CHSY3: variants seen among roughly 807,000 people sequenced by gnomAD.
The protein encoded by CHSY3 is chondroitin sulfate synthase 3.
Under a neutral mutation model 67.2 loss-of-function variants are expected in CHSY3, and 35 were observed. That is an observed-to-expected ratio of 0.52 (90% CI 0.40 to 0.69). CHSY3 has a LOEUF of 0.69. Among genes scored for constraint, CHSY3 ranks in the 30% least tolerant of loss-of-function variants. The pLI, the probability that CHSY3 is intolerant of heterozygous loss-of-function variation, is 0.00. For missense variants in CHSY3, 1,069 were observed against 1,138.5 expected, an observed-to-expected ratio of 0.94 and a Z score of 0.88; for synonymous variants, 474 against 434.7, an observed-to-expected ratio of 1.09 and a Z score of -1.12.
chr5:129,998,808 C>G (rs139044643), intron 2 of CHSY3, among the ~76,000 whole-genome samples: 1 of 151,946 alleles, frequency 6.6e-6, no homozygotes, highest in Non-Finnish European at 1.5e-5. Flanking sequence ...TCATTCAGTA[C>G]AGAAATTTGC....
intron 2 of CHSY3, among the ~76,000 whole-genome samples, chr5:130,012,096 AT>A (rs1199617359): frequency 6.6e-6 from 1 of 152,362 alleles, no homozygotes; most frequent in Non-Finnish European, 1.5e-5. Context: ...ACAGAAAAAA[AT>A]ATTTTAAAAT....
intron 2 of CHSY3, among the ~76,000 whole-genome samples, chr5:130,016,046 C>T (rs1241988869): frequency 2.0e-5 from 3 of 152,082 alleles, no homozygotes; most frequent in Non-Finnish European, 4.4e-5. Context: ...GACATATTGA[C>T]ACAGAGAAGG....
rs895087239 is a variant in CHSY3 at position 130,184,799 on chromosome 5, C to T, written c.1657C>T (p.Leu553=). 1.2e-6 allele frequency: 2 copies of T among 1,609,206 alleles called. No individual in the cohort carries two copies. The highest frequency in any genetic ancestry group is 2.2e-5 in the South Asian group (2 of 90,954). Residue 553 remains leucine (L), a synonymous_variant, in exon 3 of 3, where the codon CTG becomes TTG. Coordinates refer to ENST00000305031, the MANE Select transcript of CHSY3 (RefSeq NM_175856.5). ...ATACAAAAGACACAAGGGAAGGAAACTGACTGTGCCAGTGAGACGTCATGC... is the reference window on the plus strand; with the variant it reads ...ATACAAAAGACACAAGGGAAGGAAATTGACTGTGCCAGTGAGACGTCATGC... The part of the protein sequence containing the change: ...LLYKRHKGRK[L]TVPVRRHAYL...
chr5:130,029,787 G>T (rs1764654863), intron 2 of CHSY3, among the ~76,000 whole-genome samples: 1 of 151,940 alleles, frequency 6.6e-6, no homozygotes, highest in Admixed American at 6.6e-5. Context: ...ATCAGCATTG[G>T]TTGCCCACTG....
At chr5:129,967,408 T>A (rs1762498271) in intron 2 of CHSY3, among the ~76,000 whole-genome samples, 1 of 151,916 alleles carries the variant, frequency 6.6e-6, no homozygotes, top group East Asian at 1.9e-4. Context: ...TTAAATATCA[T>A]TTTAAGAGAA....
chr5:130,132,061 T>G (rs1768500423), intron 2 of CHSY3, among the ~76,000 whole-genome samples: 1 of 152,298 alleles, frequency 6.6e-6, no homozygotes, highest in South Asian at 2.1e-4. Context: ...CATTATTCAA[T>G]TAATTTCCTT....
chr5:130,151,015 A>C (rs1471053717), intron 2 of CHSY3, among the ~76,000 whole-genome samples: 1 of 152,198 alleles, frequency 6.6e-6, no homozygotes, highest in African/African-American at 2.4e-5. Flanking sequence ...AAAGCATGAC[A>C]ACTAATGCAG....
intron 2 of CHSY3, among the ~76,000 whole-genome samples, chr5:130,048,023 A>G (rs2149669473): frequency 6.6e-6 from 1 of 150,454 alleles, no homozygotes; most frequent in South Asian, 2.1e-4. Flanking sequence ...AGAAGTAAAG[A>G]AAAAGCAAGG....
intron 2 of CHSY3, among the ~76,000 whole-genome samples, chr5:130,167,708 T>G (rs1769789297): frequency 6.6e-6 from 1 of 152,170 alleles, no homozygotes; most frequent in African/African-American, 2.4e-5. Flanking sequence ...TAAAGGTTAC[T>G]CATTAGAAAA....
chr5:130,186,151 A>G lies in CHSY3; in HGVS notation c.*360A>G, dbSNP rs1770411838. 1 of 154,182 alleles carries G rather than the reference A, an allele frequency of 6.5e-6. No individual in the cohort carries two copies. The highest frequency in any genetic ancestry group is 1.4e-5 in the Non-Finnish European group (1 of 69,036). The allele number at this position is 154,182 out of a possible 1,614,324, so 9.6% of individuals were successfully genotyped here. ...GCTTAAAGATGCAATATCGACTTTT[A>G]TTTGGTTTCTCAAATTCAATGTGAT... On this transcript the variant is annotated 3_prime_UTR_variant, in exon 3 of 3. Transcript: ENST00000305031.
chr5:130,063,124 T>C (rs1765766179), intron 2 of CHSY3, among the ~76,000 whole-genome samples: 1 of 152,170 alleles, frequency 6.6e-6, no homozygotes, highest in South Asian at 2.1e-4. Context: ...CTTACCATTT[T>C]AAAACTGAAG....
intron 2 of CHSY3, among the ~76,000 whole-genome samples, chr5:129,927,796 A>G (rs1761166392): frequency 6.6e-6 from 1 of 151,966 alleles, no homozygotes; most frequent in African/African-American, 2.4e-5. Context: ...TGAACACATT[A>G]CAGGAACATT....
At chr5:130,083,835 T>A (rs1169572644) in intron 2 of CHSY3, among the ~76,000 whole-genome samples, 1 of 151,986 alleles carries the variant, frequency 6.6e-6, no homozygotes, top group East Asian at 1.9e-4. Context: ...TCAGAAGCCT[T>A]TGAGAAGTAT....
Position 130,082,260 on chromosome 5 carries a change from A to G in CHSY3, c.1087-101969A>G, listed in dbSNP as rs534111172. On this transcript the variant is annotated intron_variant, in intron 2 of 2. Transcript: ENST00000305031. ...ATTTAAAGTGGACTGCTGAATTTTT[A>G]CTTATATAAAACAAGCTTTGATTTA... 3.0e-5 allele frequency among the ~76,000 whole-genome samples: 4 copies of G among 135,260 alleles called. No homozygotes were observed. In the South Asian group the frequency reaches 1.0e-3, roughly 34 times the overall value. The allele number at this position is 135,260 out of a possible 152,430, so 88.7% of individuals were successfully genotyped here.
intron 2 of CHSY3, among the ~76,000 whole-genome samples, chr5:130,129,843 A>G (rs938084727): frequency 6.6e-6 from 1 of 152,118 alleles, no homozygotes; most frequent in African/African-American, 2.4e-5. Flanking sequence ...GACCCAACGA[A>G]AGAAAGCACA....
At position 129,932,563 on chromosome 5, in the gene CHSY3, A is replaced by T. The variant is rs548228244; in HGVS notation, c.1086+24203A>T. 2.7e-3 allele frequency among the ~76,000 whole-genome samples: 408 copies of T among 152,294 alleles called. 1 individual carries two copies. The highest frequency in any genetic ancestry group is 4.2e-3 in the Non-Finnish European group (285 of 68,014). The stretch of plus-strand genomic sequence containing the variant: ...CACCTATATTATCTACAAAGGATTA[A>T]TAATAATCAATGGTTTATAACTTTT... On this transcript the variant is annotated intron_variant, in intron 2 of 2. Transcript: ENST00000305031.
At chr5:130,092,366 C>T (rs1284753282) in intron 2 of CHSY3, among the ~76,000 whole-genome samples, 2 of 152,108 alleles carry the variant, frequency 1.3e-5, no homozygotes, top group Non-Finnish European at 2.9e-5. Context: ...ATAAGCTAGA[C>T]CTGCATAAGT....
chr5:129,993,965 T>C (rs1763451147), intron 2 of CHSY3, among the ~76,000 whole-genome samples: 1 of 152,332 alleles, frequency 6.6e-6, no homozygotes, highest in South Asian at 2.1e-4. Context: ...TCTCCTTCAC[T>C]TATGAAGCTT....
chr5:129,924,393 A>G (rs935865960), intron 2 of CHSY3, among the ~76,000 whole-genome samples: 5 of 152,124 alleles, frequency 3.3e-5, no homozygotes, highest in Non-Finnish European at 7.4e-5. Flanking sequence ...CATGCCTGTA[A>G]TCCCAGCACT....
Sources: gnomAD v4.1 joint callset for allele counts (sites outside exome capture counted in the v4.1 genomes callset) on GRCh38, gnomAD v4.1.1 for gene constraint, MANE v1.5 for transcripts, NCBI Gene and HGNC (gene_info 2026-07-23, HGNC 2026-07-21) for gene names.